Variants in CCDC170 observed in about 807,000 individuals in gnomAD.
CCDC170 encodes coiled-coil domain-containing protein 170.
In CCDC170, 69 loss-of-function variants were observed where a neutral mutation model predicts 72.6. The observed-to-expected ratio is 0.95, with a 90% CI of 0.78 to 1.16. The LOEUF (loss-of-function observed/expected upper bound fraction) is 1.16. CCDC170 is among the 50% of genes most tolerant of loss of function. The pLI, the probability that CCDC170 is intolerant of heterozygous loss-of-function variation, is 0.00. For missense variants in CCDC170, 852 were observed against 832.5 expected, an observed-to-expected ratio of 1.02 and a Z score of -0.29; for synonymous variants, 300 against 303.9, an observed-to-expected ratio of 0.99 and a Z score of 0.13.
intron 1 of CCDC170, among the ~76,000 whole-genome samples, chr6:151,522,832 A>G (rs193099393): frequency 2.5e-4 from 38 of 152,380 alleles, no homozygotes; most frequent in African/African-American, 8.4e-4. Flanking sequence ...AGAAACAAGC[A>G]TCGCACCTAA....
rs375386638 is a variant in CCDC170 at position 151,573,471 on chromosome 6, C to T, written c.1072C>T (p.Arg358Trp). ...GGAGAAGATTCGAGAAATGGACAGC[C>T]GGGAAGAAAGCAGGGACCGGGTGAG... ...ILEKIREMDS[R>W]EESRDRMVSQ... Residue 358 changes from arginine (R) to tryptophan (W), a missense_variant, in exon 6 of 11, where the codon CGG becomes TGG. Transcript: ENST00000239374. The T allele has an allele frequency of 1.3e-5, 21 of 1,613,606 alleles. No individual in the cohort carries two copies. The highest frequency in any genetic ancestry group is 1.6e-4 in the Middle Eastern group (1 of 6,082).
At chr6:151,521,894 G>A (rs1182534805) in intron 1 of CCDC170, among the ~76,000 whole-genome samples, 3 of 151,512 alleles carry the variant, frequency 2.0e-5, no homozygotes, top group South Asian at 2.1e-4. Flanking sequence ...GCTGAGGCAG[G>A]AGGACGGTGT....
chr6:151,527,050 ATTT>A (rs56941290), intron 1 of CCDC170, among the ~76,000 whole-genome samples: 31 of 69,676 alleles, frequency 4.4e-4, no homozygotes, highest in Admixed American at 1.2e-3. Flanking sequence ...ATGCTTAGCT[ATTT>A]TTTTTTTTTT....
chr6:151,516,123 T>A (rs1782231978), intron 1 of CCDC170, among the ~76,000 whole-genome samples: 1 of 152,100 alleles, frequency 6.6e-6, no homozygotes, highest in Admixed American at 6.6e-5. Context: ...TCGATTTCTT[T>A]CAGGGCTGTT....
rs542239396 is a variant in CCDC170, at chr6:151,606,832, C to T, written c.1711-8611C>T. Among the ~76,000 whole-genome samples the T allele has an allele frequency of 3.9e-5, 6 of 152,048 alleles. No homozygotes were observed. The South Asian group carries it at 1.2e-3, about 32-fold the overall frequency. On this transcript the variant is annotated intron_variant, in intron 9 of 10. Transcript: ENST00000239374. Reference sequence around the variant, plus strand: ...ACATATATATTTACAATTGTTATATCCTCTTATTGAATTGTTCTTTTCATC... The same window carrying T: ...ACATATATATTTACAATTGTTATATTCTCTTATTGAATTGTTCTTTTCATC...
In CCDC170 at chr6:151,607,186, C is replaced by G. The variant is rs989659401; in HGVS notation, c.1711-8257C>G. 5.9e-5 allele frequency among the ~76,000 whole-genome samples: 9 copies of G among 152,136 alleles called. No homozygotes were observed. The East Asian group carries it at 1.7e-3, about 29-fold the overall frequency. On this transcript the variant is annotated intron_variant, in intron 9 of 10. Coordinates refer to ENST00000239374, the MANE Select transcript of CCDC170 (RefSeq NM_025059.4). ...GCAGGCATTTGAGACAGAAAAATATCCCCTACTAAGTGTGGGTCTACGGGG... is the reference window on the plus strand; with the variant it reads ...GCAGGCATTTGAGACAGAAAAATATGCCCTACTAAGTGTGGGTCTACGGGG...
intron 5 of CCDC170, among the ~76,000 whole-genome samples, chr6:151,557,049 C>A (rs1223718743): frequency 6.6e-6 from 1 of 152,094 alleles, no homozygotes; most frequent in Non-Finnish European, 1.5e-5. Flanking sequence ...CATGTTCCTG[C>A]AAATTACATG....
intron 5 of CCDC170, among the ~76,000 whole-genome samples, chr6:151,559,586 G>A (rs1783042923): frequency 6.6e-6 from 1 of 152,074 alleles, no homozygotes. Flanking sequence ...TTATTTATAA[G>A]CTTTAAGAGT....
intron 1 of CCDC170, among the ~76,000 whole-genome samples, chr6:151,530,220 T>C (rs1182355381): frequency 6.6e-6 from 1 of 151,992 alleles, no homozygotes; most frequent in African/African-American, 2.4e-5. Context: ...TTCTGAATAT[T>C]TTTGTGTTTA....
At chr6:151,603,596 T>C (rs534419903) in intron 9 of CCDC170, among the ~76,000 whole-genome samples, 2 of 152,332 alleles carry the variant, frequency 1.3e-5, no homozygotes, top group South Asian at 4.1e-4. Flanking sequence ...CAGTTATCAT[T>C]AGTTTCAGCT....
intron 1 of CCDC170, among the ~76,000 whole-genome samples, chr6:151,512,251 C>T (rs1277129500): frequency 6.6e-6 from 1 of 151,222 alleles, no homozygotes; most frequent in Non-Finnish European, 1.5e-5. Flanking sequence ...CCTCTGTCTC[C>T]TGGGTTCAAG....
chr6:151,579,110 C>T (rs1776346378), intron 6 of CCDC170, among the ~76,000 whole-genome samples: 1 of 152,052 alleles, frequency 6.6e-6, no homozygotes, highest in South Asian at 2.1e-4. Flanking sequence ...CCCTCCACTG[C>T]CCACCTCTAG....
chr6:151,594,408 T>A (rs1227428357), intron 8 of CCDC170, among the ~76,000 whole-genome samples: 1 of 152,234 alleles, frequency 6.6e-6, no homozygotes, highest in East Asian at 1.9e-4. Flanking sequence ...ATATGCTGTA[T>A]TCATGTTTGG....
intron 7 of CCDC170, among the ~76,000 whole-genome samples, chr6:151,590,564 TGC>T (rs1271509256): frequency 1.3e-5 from 2 of 152,252 alleles, no homozygotes; most frequent in Non-Finnish European, 1.5e-5. Context: ...AAATGCTAAA[TGC>T]AGGTAATCTG....
At chr6:151,547,486 G>A (rs1782794498) in intron 4 of CCDC170, among the ~76,000 whole-genome samples, 2 of 152,138 alleles carry the variant, frequency 1.3e-5, no homozygotes, top group South Asian at 2.1e-4. Flanking sequence ...GGGCCATTGA[G>A]GAGAGAGATC....
chr6:151,546,731 C>T (rs976176983), intron 4 of CCDC170, among the ~76,000 whole-genome samples: 3 of 152,190 alleles, frequency 2.0e-5, no homozygotes, highest in African/African-American at 4.8e-5. Flanking sequence ...CCTGTGGAGG[C>T]GACAATAAAG....
At chr6:151,558,547 C>T (rs536049312) in intron 5 of CCDC170, among the ~76,000 whole-genome samples, 7 of 152,124 alleles carry the variant, frequency 4.6e-5, no homozygotes, top group Middle Eastern at 3.4e-3. Flanking sequence ...GTCATTAATC[C>T]ATCTTGAATT....
intron 9 of CCDC170, among the ~76,000 whole-genome samples, chr6:151,604,924 A>C (rs1306329121): frequency 6.6e-6 from 1 of 152,142 alleles, no homozygotes; most frequent in Non-Finnish European, 1.5e-5. Flanking sequence ...TCTTCTAGCT[A>C]TTTGAAAACG....
chr6:151,577,834 G>A (rs373164514), intron 6 of CCDC170, among the ~76,000 whole-genome samples: 1 of 152,206 alleles, frequency 6.6e-6, no homozygotes, highest in Non-Finnish European at 1.5e-5. Flanking sequence ...CTGTGCATGC[G>A]AGGGATCTAG....
Sources: gnomAD v4.1 joint callset for allele counts (sites outside exome capture counted in the v4.1 genomes callset) on GRCh38, gnomAD v4.1.1 for gene constraint, MANE v1.5 for transcripts, NCBI Gene and HGNC (gene_info 2026-07-23, HGNC 2026-07-21) for gene names.